Variants in CD22 observed in about 807,000 individuals in gnomAD.
CD22 encodes the protein B-cell receptor CD22.
Under a neutral mutation model 94.7 loss-of-function variants are expected in CD22, and 51 were observed. The ratio of observed to expected loss-of-function variants is 0.54; its 90% CI spans 0.43 to 0.68. The LOEUF (loss-of-function observed/expected upper bound fraction) is 0.68, where lower values mean the gene tolerates loss of function less well. Ranked by LOEUF, CD22 falls within the 30% of genes least tolerant of loss-of-function variation. CD22 has a pLI of 0.00. For missense variants in CD22, 931 were observed against 1,060.4 expected (o/e 0.88, Z 1.69); for synonymous variants, 424 against 422.5 (o/e 1.00, Z -0.04).
intron 9 of CD22, among the ~76,000 whole-genome samples, chr19:35,342,732 T>C (rs1052696449): frequency 2.6e-5 from 4 of 152,184 alleles, no homozygotes; most frequent in African/African-American, 9.6e-5. Flanking sequence ...CCTGAGCTCC[T>C]ACTGGGTCCC....
chr19:35,331,028 T>G (rs1344609780), intron 1 of CD22: 4 of 152,042 alleles, frequency 2.6e-5, no homozygotes, highest in African/African-American at 9.7e-5. Flanking sequence ...TTCAAGCAAT[T>G]CTCCTGCCTC....
intron 1 of CD22, 50 bp downstream of exon 1, chr19:35,329,280 G>C (rs2066614101): frequency 9.1e-6 from 11 of 1,214,592 alleles, no homozygotes; most frequent in Non-Finnish European, 1.1e-5. Flanking sequence ...AGTTATTACG[G>C]AACAGCAGTT....
intron 1 of CD22, chr19:35,329,623 A>G (rs550742291): frequency 1.5e-5 from 3 of 201,592 alleles, no homozygotes; most frequent in Non-Finnish European, 3.2e-5. Context: ...CTGGGGCCCT[A>G]CTCCTGTGCT....
chr19:35,346,527 G>A (rs1464378614), intron 13 of CD22, 39 bp from the exon 14 acceptor site: 7 of 1,577,784 alleles, frequency 4.4e-6, no homozygotes, highest in Non-Finnish European at 6.0e-6. Context: ...GGAGGCTGGC[G>A]ACAGTGGGGC....
rs377007941 is a variant in CD22, at chr19:35,337,970, T to A, written c.934T>A (p.Ser312Thr). 2 of 1,614,012 alleles carry A rather than the reference T, an allele frequency of 1.2e-6. No individual in the cohort carries two copies. The highest frequency in any genetic ancestry group is 1.7e-6 in the Non-Finnish European group (2 of 1,179,904). ...DQSGKYCCQV[S>T]NDVGPGRSEE... ...GAGTGGGAAGTACTGCTGTCAGGTC[T>A]CCAATGACGTGGGCCCGGGAAGGTC... is the stretch of plus-strand genomic sequence containing the variant. Residue 312 changes from serine (S) to threonine (T), a missense_variant, in exon 5 of 14, where the codon TCC (serine) becomes ACC (threonine). Transcript: ENST00000085219. This position sits in a 1 kb window ranked among gnomAD's most constrained non-coding sequence, Gnocchi z 4.4.
chr19:35,347,178 T>G lies in CD22; in HGVS notation c.*481T>G. On this transcript the variant is annotated 3_prime_UTR_variant, in exon 14 of 14. Transcript: ENST00000085219. ...AGCCCAGAAAAGGACAGAAACGAAG[T>G]AGAAAGGGGCCCAGTCCTGGCCTGG... 1 of 156,178 alleles carries G rather than the reference T, an allele frequency of 6.4e-6. No homozygotes were observed. The highest frequency in any genetic ancestry group is 1.8e-4 in the South Asian group (1 of 5,544). The allele number at this position is 156,178 out of a possible 1,614,324, so 9.7% of individuals were successfully genotyped here. A position where few individuals can be genotyped will look rare whatever the true frequency, so the allele number is the denominator to read the frequency against.
rs747208002 is a variant in CD22 at position 35,332,654 on chromosome 19, G to A, written c.142G>A (p.Ala48Thr). Residue 48 changes from alanine to threonine, a missense_variant, in exon 3 of 14, where the codon GCC (alanine) becomes ACC (threonine). By Grantham distance (58) the Ala-to-Thr change is moderately conservative (BLOSUM62 0). Transcript: ENST00000085219. ...ACVWIPCTYR[A>T]LDGDLESFIL... The stretch of plus-strand genomic sequence containing the variant: ...CGTCTGGATCCCCTGCACCTACAGA[G>A]CCCTAGATGGTGACCTGGAAAGCTT... 2.5e-6 allele frequency: 4 copies of A among 1,614,086 alleles called. No homozygotes were observed. In the South Asian group the frequency reaches 3.3e-5, roughly 13 times the overall value.
chr19:35,339,731 C>A (rs1397683623), intron 6 of CD22, among the ~76,000 whole-genome samples: 1 of 152,086 alleles, frequency 6.6e-6, no homozygotes, highest in Non-Finnish European at 1.5e-5. Flanking sequence ...GTGGCAGGCA[C>A]CTGAAATCCA....
In CD22 at chr19:35,332,684, C is replaced by T. The variant is rs1367772420; in HGVS notation, c.172C>T (p.Leu58=). The part of the protein sequence containing the change: ...ALDGDLESFI[L]FHNPEYNKNT... ...AGATGGTGACCTGGAAAGCTTCATC[C>T]TGTTCCACAATCCTGAGTATAACAA... The change falls in exon 3 of 14, where the codon CTG becomes TTG. Residue 58 remains leucine (L), a synonymous_variant. Transcript: ENST00000085219. 1.2e-6 allele frequency: 2 copies of T among 1,614,134 alleles called. No homozygotes were observed. Among genetic ancestry groups the T allele is most frequent in the East Asian group, 2.2e-5 (1 of 44,890 alleles).
Position 35,332,081 on chromosome 19 carries a change from A to G in CD22, c.34+7A>G, listed in dbSNP as rs754369277. The stretch of plus-strand genomic sequence containing the variant: ...CCCTGGCTCCTGCTCCTGGGTAAGG[A>G]CTGTGGCCTGGGCTAGTACTGGGGT... On this transcript the variant is annotated splice_region_variant and intron_variant, in intron 2 of 13. Coordinates refer to ENST00000085219, the MANE Select transcript of CD22 (RefSeq NM_001771.4). The G allele has an allele frequency of 4.3e-6, 7 of 1,613,888 alleles. No homozygotes were observed. The highest frequency in any genetic ancestry group is 5.9e-6 in the Non-Finnish European group (7 of 1,179,896).
chr19:35,332,088 CCTGGGCTAGTA>C lies in CD22; in HGVS notation c.34+20_34+30del. 1 of 1,613,890 alleles carries C rather than the reference CCTGGGCTAGTA, an allele frequency of 6.2e-7. No individual in the cohort carries two copies. Among genetic ancestry groups the C allele is most frequent in the African/African-American group, 1.3e-5 (1 of 74,970 alleles). On this transcript the variant is annotated intron_variant, in intron 2 of 13. Coordinates refer to ENST00000085219, the MANE Select transcript of CD22 (RefSeq NM_001771.4). ...TCCTGCTCCTGGGTAAGGACTGTGG[CCTGGGCTAGTA>C]CTGGGGTTCTGGGATGTCAGTGGGC...
chr19:35,333,333 G>A (rs1306744602), intron 3 of CD22, among the ~76,000 whole-genome samples: 4 of 151,980 alleles, frequency 2.6e-5, no homozygotes, highest in East Asian at 1.9e-4. Flanking sequence ...AGACATTGGG[G>A]TCTGAAGCTG....
intron 3 of CD22, among the ~76,000 whole-genome samples, chr19:35,333,761 G>A (rs1036112606): frequency 6.6e-6 from 1 of 152,124 alleles, no homozygotes; most frequent in African/African-American, 2.4e-5. Context: ...ATGTTGCCAG[G>A]CTGGTCTTGA....
intron 9 of CD22, among the ~76,000 whole-genome samples, chr19:35,342,871 C>T (rs1269961136): frequency 8.5e-5 from 13 of 152,078 alleles, no homozygotes; most frequent in African/African-American, 1.4e-4. Context: ...AGTGCAGTGG[C>T]GTGATCACGG....
chr19:35,335,066 A>G (rs1212026283), intron 3 of CD22, among the ~76,000 whole-genome samples: 1 of 127,770 alleles, frequency 7.8e-6, no homozygotes, highest in East Asian at 2.5e-4. Flanking sequence ...CGACAGAGCG[A>G]GACTCTGTCT....
chr19:35,329,200 G>T lies in CD22; in HGVS notation c.-53G>T. On this transcript the variant is annotated 5_prime_UTR_variant, in exon 1 of 14. Coordinates refer to ENST00000085219, the MANE Select transcript of CD22 (RefSeq NM_001771.4). Reference sequence around the variant, plus strand: ...CCTTTTGCTCTCAGATGCTGCCAGGGTCCCTGAAGAGGGAAGACACGCGGA... The same window carrying T: ...CCTTTTGCTCTCAGATGCTGCCAGGTTCCCTGAAGAGGGAAGACACGCGGA... 5 of 1,289,580 alleles carry T rather than the reference G, an allele frequency of 3.9e-6. No individual in the cohort carries two copies. Among genetic ancestry groups the T allele is most frequent in the Non-Finnish European group, 5.1e-6 (5 of 988,666 alleles). The allele number at this position is 1,289,580 out of a possible 1,614,324, so 79.9% of individuals were successfully genotyped here. A position where few individuals can be genotyped will look rare whatever the true frequency, so the allele number is the denominator to read the frequency against.
Position 35,346,818 on chromosome 19 carries a change from G to GCACACA in CD22, c.*135_*140dup, listed in dbSNP as rs113404776. ...CATGTGCGCACACACACACACACAC[G>GCACACA]CACACACACACACACACACTCACTG... On this transcript the variant is annotated 3_prime_UTR_variant, in exon 14 of 14. Transcript: ENST00000085219. The GCACACA allele has an allele frequency of 1.1e-5, 7 of 666,140 alleles. No homozygotes were observed. The highest frequency in any genetic ancestry group is 3.3e-5 in the East Asian group (1 of 30,568). The allele number at this position is 666,140 out of a possible 1,614,324, so 41.3% of individuals were successfully genotyped here.
chr19:35,346,306 T>C, intron 13 of CD22, 71 bp downstream of exon 13: 1 of 1,356,946 alleles, frequency 7.4e-7, no homozygotes, highest in Non-Finnish European at 1.1e-6. Flanking sequence ...GCCTCAGTGG[T>C]GGGTCCCACA....
rs1350142354 is a variant in CD22 at position 35,336,041 on chromosome 19, C to T, written c.418C>T (p.Pro140Ser). ...ERIHLNVSERPFPPHIQLPPE... is the reference protein window; with the variant it reads ...ERIHLNVSERSFPPHIQLPPE... ...CGGGCTCTGTTCTTTTGCAGAAAGG[C>T]CTTTTCCACCTCATATCCAGCTCCC... Residue 140 changes from proline to serine, a missense_variant, in exon 4 of 14, where the codon CCT becomes TCT. Coordinates refer to ENST00000085219, the MANE Select transcript of CD22 (RefSeq NM_001771.4). 29 of 1,612,676 alleles carry T rather than the reference C, an allele frequency of 1.8e-5. No homozygotes were observed. The highest frequency in any genetic ancestry group is 2.5e-5 in the Non-Finnish European group (29 of 1,179,190).
Sources: gnomAD v4.1 joint callset for allele counts (sites outside exome capture counted in the v4.1 genomes callset) on GRCh38, gnomAD v4.1.1 for gene constraint, Gnocchi (gnomAD v3.1) non-coding constraint, MANE v1.5 for transcripts, NCBI Gene and HGNC (gene_info 2026-07-23, HGNC 2026-07-21) for gene names.